Variants in SEMA3D observed in about 807,000 individuals in gnomAD.
SEMA3D encodes semaphorin 3D.
Under a neutral mutation model 100.1 loss-of-function variants are expected in SEMA3D, and 84 were observed. That is an observed-to-expected ratio of 0.84 (90% confidence interval 0.70 to 1.01). The LOEUF (loss-of-function observed/expected upper bound fraction) is 1.01. Among genes scored for constraint, SEMA3D ranks in the 50% least tolerant of loss-of-function variants. The pLI is 0.00. For synonymous variants in SEMA3D, 312 were observed against 320.7 expected, an observed-to-expected ratio of 0.97 and a Z score of 0.29; for missense variants, 875 against 934.1, an observed-to-expected ratio of 0.94 and a Z score of 0.82.
At chr7:85,245,491 A>G in the SEMA3D span, among the ~76,000 whole-genome samples, 2 of 152,316 alleles carry the variant, frequency 1.3e-5, no homozygotes, top group Middle Eastern at 3.4e-3. Flanking sequence ...ACTTTCTCAA[A>G]AAACTTTCCT....
At chr7:85,091,443 A>G (rs933336691) in intron 4 of SEMA3D, among the ~76,000 whole-genome samples, 4 of 151,934 alleles carry the variant, frequency 2.6e-5, no homozygotes, top group Admixed American at 1.3e-4. Context: ...AGTCCAACTA[A>G]GTAACATAAC....
chr7:85,113,971 A>AT (rs1021198762), intron 3 of SEMA3D, among the ~76,000 whole-genome samples: 4 of 152,104 alleles, frequency 2.6e-5, no homozygotes, highest in African/African-American at 7.2e-5. Flanking sequence ...AACCAATATT[A>AT]TTTTTTATTT....
the SEMA3D span, among the ~76,000 whole-genome samples, chr7:85,225,357 G>T: frequency 6.7e-6 from 1 of 149,784 alleles, no homozygotes; most frequent in Non-Finnish European, 1.5e-5. Context: ...GAACAATTCA[G>T]ATCTCCAGCC....
the SEMA3D span, among the ~76,000 whole-genome samples, chr7:85,218,762 T>C: frequency 6.6e-6 from 1 of 152,166 alleles, no homozygotes; most frequent in Non-Finnish European, 1.5e-5. Flanking sequence ...GACCAATGTC[T>C]TAGAATTTTA....
At chr7:85,201,579 C>G in the SEMA3D span, among the ~76,000 whole-genome samples, 1 of 152,014 alleles carries the variant, frequency 6.6e-6, no homozygotes, top group African/African-American at 2.4e-5. Context: ...AGCTCTAGAT[C>G]TCAGTTAAGA....
chr7:85,022,954 G>A (rs977590565), intron 12 of SEMA3D, among the ~76,000 whole-genome samples: 5 of 151,786 alleles, frequency 3.3e-5, no homozygotes, highest in Non-Finnish European at 7.4e-5. Flanking sequence ...CTATAAACAT[G>A]AGAACACGTG....
upstream of SEMA3D, among the ~76,000 whole-genome samples, chr7:85,188,809 A>G (rs1481215844): frequency 6.6e-6 from 1 of 152,190 alleles, no homozygotes; most frequent in Non-Finnish European, 1.5e-5. Flanking sequence ...AATACTTTCC[A>G]TAAAGCCCTT....
chr7:85,011,933 C>T (rs1461446886), intron 17 of SEMA3D, among the ~76,000 whole-genome samples: 1 of 151,506 alleles, frequency 6.6e-6, no homozygotes, highest in Non-Finnish European at 1.5e-5. Flanking sequence ...CTTCTTCCAC[C>T]TGTTCGTGTG....
chr7:85,062,475 G>A (rs1262064964), intron 8 of SEMA3D, among the ~76,000 whole-genome samples: 2 of 152,004 alleles, frequency 1.3e-5, no homozygotes, highest in African/African-American at 4.8e-5. Flanking sequence ...ATAAAGGAGA[G>A]GAAGAAGAGG....
At chr7:85,112,703 C>A (rs548481143) in intron 3 of SEMA3D, among the ~76,000 whole-genome samples, 57 of 152,186 alleles carry the variant, frequency 3.7e-4, no homozygotes, top group African/African-American at 1.3e-3. Context: ...GGTATAAAAA[C>A]AATGTTGTGA....
chr7:85,175,718 C>T (rs1791205557), intron 1 of SEMA3D, among the ~76,000 whole-genome samples: 1 of 152,030 alleles, frequency 6.6e-6, no homozygotes, highest in African/African-American at 2.4e-5. Flanking sequence ...GGTCATTTTT[C>T]AGACAGAATA....
chr7:85,064,216 G>A (rs1053951192), intron 8 of SEMA3D, among the ~76,000 whole-genome samples: 11 of 151,812 alleles, frequency 7.2e-5, no homozygotes, highest in Non-Finnish European at 1.6e-4. Context: ...TTCATTTTAA[G>A]CCATAAAAAT....
intron 18 of SEMA3D, among the ~76,000 whole-genome samples, chr7:85,002,200 CG>C (rs1328178400): frequency 1.3e-5 from 2 of 152,096 alleles, no homozygotes; most frequent in African/African-American, 4.8e-5. Context: ...TTCCATTACA[CG>C]GTCATGATCT....
chr7:85,235,991 T>C, the SEMA3D span, among the ~76,000 whole-genome samples: 2 of 152,190 alleles, frequency 1.3e-5, no homozygotes, highest in Non-Finnish European at 2.9e-5. Flanking sequence ...TCTGTACAAC[T>C]AAAATTTTGT....
chr7:85,149,474 A>AAAAC (rs565062673), intron 2 of SEMA3D, among the ~76,000 whole-genome samples: 3 of 152,188 alleles, frequency 2.0e-5, no homozygotes, highest in South Asian at 2.1e-4. Flanking sequence ...GCAAAAAATG[A>AAAAC]AAACAAACAA....
At chr7:85,130,151 T>G (rs1789683894) in intron 2 of SEMA3D, among the ~76,000 whole-genome samples, 1 of 152,114 alleles carries the variant, frequency 6.6e-6, no homozygotes, top group Non-Finnish European at 1.5e-5. Flanking sequence ...GAAAGGAACT[T>G]AGCATCACAT....
chr7:85,200,654 T>C, the SEMA3D span, among the ~76,000 whole-genome samples: 3 of 152,142 alleles, frequency 2.0e-5, no homozygotes, highest in African/African-American at 7.2e-5. Flanking sequence ...TGAAGAGAAA[T>C]TGAAGCCAAC....
chr7:85,070,774 C>G (rs992624713), intron 6 of SEMA3D, among the ~76,000 whole-genome samples: 1 of 148,426 alleles, frequency 6.7e-6, no homozygotes, highest in Non-Finnish European at 1.5e-5. Context: ...CCTTTCAGCA[C>G]TTGTGACTTT....
intron 16 of SEMA3D, among the ~76,000 whole-genome samples, chr7:85,014,234 A>G (rs1790035060): frequency 6.6e-6 from 1 of 151,772 alleles, no homozygotes; most frequent in Non-Finnish European, 1.5e-5. Flanking sequence ...CTAAAAATAA[A>G]TTTGCTTACA....
Sources: allele counts gnomAD v4.1 joint callset (sites outside exome capture counted in the v4.1 genomes callset), GRCh38; gene constraint gnomAD v4.1.1; transcripts MANE v1.5; gene names NCBI Gene and HGNC (gene_info 2026-07-23, HGNC 2026-07-21).